The following TRAK1 variants were observed in gnomAD, a reference collection of about 807,000 sequenced individuals.
TRAK1 encodes the protein trafficking kinesin-binding protein 1.
In TRAK1, 33 loss-of-function variants were observed where a neutral mutation model predicts 92.1. The ratio of observed to expected loss-of-function variants is 0.36; its 90% CI spans 0.27 to 0.48. The LOEUF is 0.48. Ranked by LOEUF, TRAK1 falls within the 20% of genes least tolerant of loss-of-function variation. TRAK1 has a pLI of 0.99. For synonymous variants in TRAK1, 521 were observed against 517.3 expected (o/e 1.01, Z -0.10); for missense variants, 1,123 against 1,257.9 (o/e 0.89, Z 1.62).
chr3:42,107,518 A>G (rs936460799), intron 1 of TRAK1, among the ~76,000 whole-genome samples: 2 of 138,888 alleles, frequency 1.4e-5, no homozygotes, highest in Non-Finnish European at 3.1e-5. Context: ...TTCAAAAAAG[A>G]AAAAAAAAAA....
chr3:42,070,851 C>T (rs995767161), intron 1 of TRAK1, among the ~76,000 whole-genome samples: 1 of 152,198 alleles, frequency 6.6e-6, no homozygotes, highest in African/African-American at 2.4e-5. Flanking sequence ...AATAAGAATA[C>T]AGTGAAGTAC....
At chr3:42,158,865 A>G (rs1039941776) in intron 2 of TRAK1, among the ~76,000 whole-genome samples, 6 of 150,010 alleles carry the variant, frequency 4.0e-5, no homozygotes, top group Non-Finnish European at 8.9e-5. Flanking sequence ...AGACTGAGGC[A>G]GGAGAATGGT....
chr3:42,087,070 C>G (rs1434961804), upstream of TRAK1: 1 of 152,348 alleles, frequency 6.6e-6, no homozygotes, highest in Non-Finnish European at 1.5e-5. Context: ...TCGATAGACT[C>G]TAACTGTGCC....
intron 1 of TRAK1, among the ~76,000 whole-genome samples, chr3:42,042,633 A>G (rs1001550193): frequency 6.6e-6 from 1 of 151,866 alleles, no homozygotes; most frequent in Non-Finnish European, 1.5e-5. Context: ...GGCCTCCCAA[A>G]GTGCTGGGAT....
intron 2 of TRAK1, among the ~76,000 whole-genome samples, chr3:42,174,641 T>TTG (rs1182079718): frequency 1.4e-5 from 2 of 141,994 alleles, no homozygotes; most frequent in South Asian, 2.2e-4. Context: ...TGGCTAATTT[T>TTG]TGTGTGTATA....
At chr3:42,180,560 G>A (rs1307334275) in intron 3 of TRAK1, among the ~76,000 whole-genome samples, 2 of 151,710 alleles carry the variant, frequency 1.3e-5, no homozygotes, top group Non-Finnish European at 2.9e-5. Flanking sequence ...CATGCCTGTG[G>A]TCCTAGCTAC....
chr3:42,111,785 A>G (rs1032047394), intron 1 of TRAK1, among the ~76,000 whole-genome samples: 2 of 152,152 alleles, frequency 1.3e-5, no homozygotes, highest in Non-Finnish European at 2.9e-5. Flanking sequence ...CACGAAGATC[A>G]TTCTGTTTTG....
At chr3:42,188,221 G>T in intron 5 of TRAK1, 76 bp downstream of exon 5, 2 of 1,400,018 alleles carry the variant, frequency 1.4e-6, no homozygotes, top group Non-Finnish European at 2.0e-6. Flanking sequence ...GAGTCACCTA[G>T]ACAGGGTCAC....
intron 1 of TRAK1, among the ~76,000 whole-genome samples, chr3:42,027,820 A>G (rs1158856907): frequency 6.6e-6 from 1 of 152,122 alleles, no homozygotes; most frequent in African/African-American, 2.4e-5. Context: ...GGGAATCATA[A>G]AGTAGGAAGC....
At chr3:42,038,229 A>G (rs1162976851) in intron 1 of TRAK1, among the ~76,000 whole-genome samples, 2 of 152,184 alleles carry the variant, frequency 1.3e-5, no homozygotes, top group Non-Finnish European at 2.9e-5. Flanking sequence ...TGGCTTTAAA[A>G]TCTTTTAAAT....
At chr3:42,025,197 T>G in intron 1 of TRAK1, among the ~76,000 whole-genome samples, 1 of 152,176 alleles carries the variant, frequency 6.6e-6, no homozygotes. Flanking sequence ...TATGCCTTGG[T>G]CAGGGGGAGA....
At chr3:42,080,934 G>A (rs1012770598) in intron 1 of TRAK1, among the ~76,000 whole-genome samples, 4 of 152,066 alleles carry the variant, frequency 2.6e-5, no homozygotes, top group African/African-American at 9.7e-5. Flanking sequence ...GGGTGGAGTG[G>A]CACAATCATG....
intron 1 of TRAK1, among the ~76,000 whole-genome samples, chr3:42,123,654 G>T (rs1305777502): frequency 5.9e-5 from 9 of 152,140 alleles, no homozygotes; most frequent in Non-Finnish European, 1.3e-4. Flanking sequence ...TTCGTCCTCA[G>T]CATCTCCTCT....
chr3:42,155,942 C>T (rs1388405375), intron 2 of TRAK1, among the ~76,000 whole-genome samples: 2 of 152,176 alleles, frequency 1.3e-5, no homozygotes, highest in Non-Finnish European at 2.9e-5. Flanking sequence ...CTCCGCCCTG[C>T]AAGAGGTGAT....
At chr3:42,200,270 A>T (rs1224385465) in intron 11 of TRAK1, among the ~76,000 whole-genome samples, 1 of 152,242 alleles carries the variant, frequency 6.6e-6, no homozygotes, top group Non-Finnish European at 1.5e-5. Context: ...ATGAGCATCA[A>T]AGTGGTTCTG....
At position 42,200,386 on chromosome 3, in the gene TRAK1, A is replaced by G. The variant is rs1021989867; in HGVS notation, c.1191-432A>G. On this transcript the variant is annotated intron_variant, in intron 11 of 15. Coordinates refer to ENST00000327628, the MANE Select transcript of TRAK1 (RefSeq NM_001042646.3). Reference sequence around the variant, plus strand: ...CTTCCTTTTTTTATATGAATGTTCAACAAATATCCATTCTACAAGTATTGA... The same window carrying G: ...CTTCCTTTTTTTATATGAATGTTCAGCAAATATCCATTCTACAAGTATTGA... Among the ~76,000 whole-genome samples, 2 of 152,246 alleles carry G rather than the reference A, an allele frequency of 1.3e-5. 1 individual carries two copies. Among genetic ancestry groups the G allele is most frequent in the South Asian group, 4.1e-4 (2 of 4,828 alleles).
rs1319206784 is a variant in TRAK1 at position 42,138,436 on chromosome 3, AT to A, written c.286+12827del. 4.6e-5 allele frequency among the ~76,000 whole-genome samples: 7 copies of A among 152,338 alleles called. No individual in the cohort carries two copies. In the East Asian group the frequency reaches 1.4e-3, roughly 29 times the overall value. On this transcript the variant is annotated intron_variant, in intron 2 of 15. Transcript: ENST00000327628. ...TAAATAAGCGAAAATGCAAAGACATATTTTTAAATTTAAAAAATAAGCTTTC... is the reference window on the plus strand; with the variant it reads ...TAAATAAGCGAAAATGCAAAGACATATTTTAAATTTAAAAAATAAGCTTTC...
At chr3:42,037,818 T>C (rs1171249826) in intron 1 of TRAK1, among the ~76,000 whole-genome samples, 1 of 152,214 alleles carries the variant, frequency 6.6e-6, no homozygotes, top group Non-Finnish European at 1.5e-5. Flanking sequence ...TTCTTAATGA[T>C]GACAACAAAT....
intron 2 of TRAK1, among the ~76,000 whole-genome samples, chr3:42,167,932 T>A (rs182199976): frequency 6.6e-6 from 1 of 152,174 alleles, no homozygotes; most frequent in Non-Finnish European, 1.5e-5. Flanking sequence ...GTCTTAGGGC[T>A]TAGTAGTTAA....
Sources: allele counts gnomAD v4.1 joint callset (sites outside exome capture counted in the v4.1 genomes callset), GRCh38; gene constraint gnomAD v4.1.1; transcripts MANE v1.5; gene names NCBI Gene and HGNC (gene_info 2026-07-23, HGNC 2026-07-21).